The following GRK5 variants were observed in gnomAD, a reference collection of about 807,000 sequenced individuals.
GRK5 encodes the protein g protein-coupled receptor kinase GRK5.
In GRK5, 40 loss-of-function variants were observed where a neutral mutation model predicts 78.4. That is an observed-to-expected ratio of 0.51 (90% CI 0.40 to 0.66). The LOEUF (loss-of-function observed/expected upper bound fraction) is 0.66, where lower values mean the gene tolerates loss of function less well. GRK5 is among the 30% of genes least tolerant of loss of function. The pLI is 0.00. For missense variants in GRK5, 598 were observed against 759.9 expected (o/e 0.79, Z 2.50); for synonymous variants, 289 against 296.8 (o/e 0.97, Z 0.27).
At chr10:119,393,736 T>C (rs1851925014) in intron 3 of GRK5, among the ~76,000 whole-genome samples, 1 of 152,212 alleles carries the variant, frequency 6.6e-6, no homozygotes, top group Non-Finnish European at 1.5e-5. Flanking sequence ...CTAGCTGTGC[T>C]GTATTGGAAC....
At chr10:119,443,847 G>A in intron 12 of GRK5, 95 bp downstream of exon 12, 1 of 1,085,338 alleles carries the variant, frequency 9.2e-7, no homozygotes, top group Non-Finnish European at 1.3e-6. Context: ...ACAGGCTGAA[G>A]GGACAGGGGT....
chr10:119,279,421 C>T (rs963867483), intron 1 of GRK5, among the ~76,000 whole-genome samples: 2 of 152,180 alleles, frequency 1.3e-5, no homozygotes, highest in African/African-American at 2.4e-5. Flanking sequence ...CTGGATAGTT[C>T]TTCCCCTTGT....
At chr10:119,317,736 G>GT (rs1850516978) in intron 1 of GRK5, among the ~76,000 whole-genome samples, 1 of 152,142 alleles carries the variant, frequency 6.6e-6, no homozygotes, top group African/African-American at 2.4e-5. Context: ...ATATTTTTCA[G>GT]TCAACTTTTC....
In GRK5 at chr10:119,339,873, C is replaced by T. The variant is rs516627; in HGVS notation, c.148+13262C>T. On this transcript the variant is annotated intron_variant, in intron 2 of 15. Coordinates refer to ENST00000392870, the MANE Select transcript of GRK5 (RefSeq NM_005308.3). The stretch of plus-strand genomic sequence containing the variant: ...TCACACCATTGCACTCCAACCTGGG[C>T]GATGGGAGTGAAACTCTGTCTCTAT... Among the ~76,000 whole-genome samples, 428 of 152,166 alleles carry T rather than the reference C, an allele frequency of 2.8e-3. 3 individuals carry two copies. Among genetic ancestry groups the T allele is most frequent in the African/African-American group, 9.9e-3 (410 of 41,496 alleles).
intron 1 of GRK5, among the ~76,000 whole-genome samples, chr10:119,240,885 C>T (rs1849013511): frequency 6.6e-6 from 1 of 152,146 alleles, no homozygotes; most frequent in Admixed American, 6.5e-5. Context: ...CCACTGTGCC[C>T]AGCCAGGAGC....
At position 119,448,207 on chromosome 10, in the gene GRK5, A is replaced by C; in HGVS notation, c.1351A>C (p.Met451Leu). ...CAAGAGACACCCCTTCTTCAGGAAC[A>C]TGAACTTCAAGCGCTTAGAAGCCGG... ...EVKRHPFFRN[M>L]NFKRLEAGML... Residue 451 changes from methionine (M) to leucine (L), a missense_variant, in exon 13 of 16, where the codon ATG becomes CTG. Coordinates refer to ENST00000392870, the MANE Select transcript of GRK5 (RefSeq NM_005308.3). 6.3e-7 allele frequency: 1 copy of C among 1,593,596 alleles called. No individual in the cohort carries two copies. Among genetic ancestry groups the C allele is most frequent in the Non-Finnish European group, 8.5e-7 (1 of 1,171,362 alleles).
Position 119,443,725 on chromosome 10 carries a change from C to T in GRK5, c.1239C>T (p.Ser413=), listed in dbSNP as rs141164889. The change falls in exon 12 of 16, where the codon TCC becomes TCT. Residue 413 remains serine, a synonymous_variant. Transcript: ENST00000392870. ...ETEEVYSHKF[S]EEAKSICKML... Reference sequence around the variant, plus strand: ...AGGAGGTGTACTCCCACAAGTTCTCCGAGGAGGCCAAGTCCATCTGCAAGA... The same window carrying T: ...AGGAGGTGTACTCCCACAAGTTCTCTGAGGAGGCCAAGTCCATCTGCAAGA... 5.6e-4 allele frequency: 898 copies of T among 1,606,716 alleles called. 1 individual carries two copies. The highest frequency in any genetic ancestry group is 6.4e-4 in the Non-Finnish European group (752 of 1,174,664).
At position 119,431,128 on chromosome 10, in the gene GRK5, G is replaced by T. The variant is rs1852808554; in HGVS notation, c.598-259G>T. ...CCCAGTCAGTTATCTAAGCCTTGGT[G>T]TGAGTGGCTCATTCTGCCCCTTCCA... On this transcript the variant is annotated intron_variant, in intron 7 of 15. Coordinates refer to ENST00000392870, the MANE Select transcript of GRK5 (RefSeq NM_005308.3). The surrounding 1 kb of genome is among the most constrained non-coding windows in gnomAD (Gnocchi z 4.8). Among the ~76,000 whole-genome samples, 1 of 152,196 alleles carries T rather than the reference G, an allele frequency of 6.6e-6. No homozygotes were observed. Among genetic ancestry groups the T allele is most frequent in the African/African-American group, 2.4e-5 (1 of 41,460 alleles).
intron 4 of GRK5, chr10:119,406,585 A>G (rs1170960640): frequency 1.9e-6 from 1 of 529,250 alleles, no homozygotes; most frequent in East Asian, 1.5e-4. Flanking sequence ...CAGTCCCCGG[A>G]ACAGGTCATC....
At chr10:119,261,091 A>G (rs1347259273) in intron 1 of GRK5, among the ~76,000 whole-genome samples, 3 of 88,560 alleles carry the variant, frequency 3.4e-5, no homozygotes, top group Non-Finnish European at 4.9e-5. Context: ...GACGCTCCTC[A>G]CTTCCCAGAC....
intron 2 of GRK5, among the ~76,000 whole-genome samples, chr10:119,375,095 C>T (rs1851602461): frequency 6.6e-6 from 1 of 152,254 alleles, no homozygotes; most frequent in African/African-American, 2.4e-5. Flanking sequence ...CACCTCCCAT[C>T]CCTGAGTGAC....
chr10:119,258,905 C>T (rs1475234079), intron 1 of GRK5, among the ~76,000 whole-genome samples: 1 of 152,184 alleles, frequency 6.6e-6, no homozygotes, highest in African/African-American at 2.4e-5. Context: ...GCACTCCAGC[C>T]TGCCCCCTTC....
chr10:119,234,807 C>T (rs1280565142), intron 1 of GRK5, among the ~76,000 whole-genome samples: 1 of 151,792 alleles, frequency 6.6e-6, no homozygotes, highest in Non-Finnish European at 1.5e-5. Context: ...ATTGTCCTGC[C>T]TCAGCCTCCC....
intron 3 of GRK5, among the ~76,000 whole-genome samples, chr10:119,395,865 C>T (rs1012756653): frequency 6.6e-5 from 10 of 152,124 alleles, no homozygotes; most frequent in African/African-American, 2.4e-4. Context: ...TGACCCTATG[C>T]AAGTCCCTTC....
At chr10:119,324,638 A>G (rs983286714) in intron 1 of GRK5, among the ~76,000 whole-genome samples, 1 of 149,024 alleles carries the variant, frequency 6.7e-6, no homozygotes, top group Non-Finnish European at 1.5e-5. Context: ...TCAAAAAAAG[A>G]AAAAAAAAAG....
At chr10:119,372,553 G>A (rs944897069) in intron 2 of GRK5, among the ~76,000 whole-genome samples, 2 of 152,174 alleles carry the variant, frequency 1.3e-5, no homozygotes, top group African/African-American at 2.4e-5. Flanking sequence ...CTAACTTAAG[G>A]GTTAGAGGAA....
At chr10:119,361,663 G>A (rs994109261) in intron 2 of GRK5, among the ~76,000 whole-genome samples, 2 of 152,114 alleles carry the variant, frequency 1.3e-5, no homozygotes, top group African/African-American at 4.8e-5. Flanking sequence ...GGCGCAGAGG[G>A]GGTTCAGAAT....
chr10:119,295,032 T>C (rs1761294276), intron 1 of GRK5, among the ~76,000 whole-genome samples: 1 of 151,616 alleles, frequency 6.6e-6, no homozygotes. Context: ...CTACTAAAAA[T>C]ACAAAAAATT....
chr10:119,338,838 G>C (rs1850936881), intron 2 of GRK5, among the ~76,000 whole-genome samples: 1 of 152,184 alleles, frequency 6.6e-6, no homozygotes, highest in Non-Finnish European at 1.5e-5. Context: ...CAGAATAAAT[G>C]TGATTTGTAA....
Sources: allele counts gnomAD v4.1 joint callset (sites outside exome capture counted in the v4.1 genomes callset), GRCh38; gene constraint gnomAD v4.1.1; non-coding constraint Gnocchi (gnomAD v3.1); transcripts MANE v1.5; gene names NCBI Gene and HGNC (gene_info 2026-07-23, HGNC 2026-07-21).